ALDH1A3: variants seen among roughly 807,000 people sequenced by gnomAD.
ALDH1A3 encodes aldehyde dehydrogenase 1 family member A3, also known as retinaldehyde dehydrogenase 3.
Under a neutral mutation model 57.5 loss-of-function variants are expected in ALDH1A3, and 28 were observed. The ratio of observed to expected loss-of-function variants is 0.49; its 90% confidence interval spans 0.36 to 0.67. The LOEUF (loss-of-function observed/expected upper bound fraction) is 0.67, where lower values mean the gene tolerates loss of function less well. ALDH1A3 is among the 30% of genes least tolerant of loss of function. The pLI, the probability that ALDH1A3 is intolerant of heterozygous loss-of-function variation, is 0.00. For synonymous variants in ALDH1A3, 281 were observed against 264.8 expected (o/e 1.06, Z -0.59); for missense variants, 507 against 669.4 (o/e 0.76, Z 2.68).
In ALDH1A3 at chr15:100,888,812, C is replaced by T. The variant is rs530958346; in HGVS notation, c.345+1100C>T. On this transcript the variant is annotated intron_variant, in intron 3 of 12. Transcript: ENST00000329841. ...ATCTATTTAAGATTCTAGGCAGAGTCCCTGGCAGGCAGTAAGCACTAAATA... is the reference window on the plus strand; with the variant it reads ...ATCTATTTAAGATTCTAGGCAGAGTTCCTGGCAGGCAGTAAGCACTAAATA... The T allele has an allele frequency of 2.0e-5, 3 of 152,290 alleles. No individual in the cohort carries two copies. In the South Asian group the frequency reaches 6.2e-4, roughly 32 times the overall value. The allele number at this position is 152,290 out of a possible 1,614,324, so 9.4% of individuals were successfully genotyped here. A position where few individuals can be genotyped will look rare whatever the true frequency, so the allele number is the denominator to read the frequency against.
At chr15:100,905,723 G>C in intron 10 of ALDH1A3, 36 bp downstream of exon 10, 1 of 1,499,478 alleles carries the variant, frequency 6.7e-7, no homozygotes, top group Non-Finnish European at 8.9e-7. Flanking sequence ...CGACTTGCGG[G>C]GCCTTTCAAA....
rs2041827937 is a variant in ALDH1A3 at position 100,906,905 on chromosome 15, T to A, written c.1234-216T>A. On this transcript the variant is annotated intron_variant, in intron 10 of 12. Coordinates refer to ENST00000329841, the MANE Select transcript of ALDH1A3 (RefSeq NM_000693.4). This position sits in a 1 kb window ranked among gnomAD's most constrained non-coding sequence, Gnocchi z 4.8. Reference sequence around the variant, plus strand: ...CACAACATATATTTTTTGTTATTATTTTTTATTTTTGTTTCATGTTAATCC... The same window carrying A: ...CACAACATATATTTTTTGTTATTATATTTTATTTTTGTTTCATGTTAATCC... Among the ~76,000 whole-genome samples the A allele has an allele frequency of 6.6e-6, 1 of 152,214 alleles. No homozygotes were observed. The highest frequency in any genetic ancestry group is 1.5e-5 in the Non-Finnish European group (1 of 68,042).
Position 100,906,819 on chromosome 15 carries a change from T to G in ALDH1A3, c.1234-302T>G, listed in dbSNP as rs1172615881. ...GTTTTGTGTTCTGTGCATCTATGGGTTACTCCAAGGCTCTCTGGCTGGGTT... is the reference window on the plus strand; with the variant it reads ...GTTTTGTGTTCTGTGCATCTATGGGGTACTCCAAGGCTCTCTGGCTGGGTT... On this transcript the variant is annotated intron_variant, in intron 10 of 12. Coordinates refer to ENST00000329841, the MANE Select transcript of ALDH1A3 (RefSeq NM_000693.4). This position sits in a 1 kb window ranked among gnomAD's most constrained non-coding sequence, Gnocchi z 4.8. 6.6e-6 allele frequency among the ~76,000 whole-genome samples: 1 copy of G among 152,196 alleles called. No homozygotes were observed. The highest frequency in any genetic ancestry group is 1.5e-5 in the Non-Finnish European group (1 of 68,036).
rs2041823856 is a variant in ALDH1A3 at position 100,906,517 on chromosome 15, C to CTAATTATA, written c.1234-604_1234-603insTAATTATA. 6.6e-6 allele frequency among the ~76,000 whole-genome samples: 1 copy of CTAATTATA among 152,162 alleles called. No individual in the cohort carries two copies. Among genetic ancestry groups the CTAATTATA allele is most frequent in the African/African-American group, 2.4e-5 (1 of 41,430 alleles). On this transcript the variant is annotated intron_variant, in intron 10 of 12. Transcript: ENST00000329841. The surrounding 1 kb of genome is among the most constrained non-coding windows in gnomAD (Gnocchi z 4.8). ...GAAGGTATTTTGGCAGGCCAGGCAC[C>CTAATTATA]ATCCTGCCGGCTTATAATTATGTCT...
At position 100,905,566 on chromosome 15, in the gene ALDH1A3, G is replaced by C. The variant is rs1330483619; in HGVS notation, c.1112G>C (p.Ser371Thr). The change falls in exon 10 of 13, where the codon AGT becomes ACT. Residue 371 changes from serine to threonine, a missense_variant. This residue lies in a region of ALDH1A3 where 432 missense variants were observed against 608.4 expected (regional missense o/e 0.71). Coordinates refer to ENST00000329841, the MANE Select transcript of ALDH1A3 (RefSeq NM_000693.4). ...QFDKILELIESGKKEGAKLEC... is the reference protein window; with the variant it reads ...QFDKILELIETGKKEGAKLEC... ...GACAAAATCTTAGAGCTGATCGAGA[G>C]TGGGAAGAAGGAAGGGGCCAAGCTG... The C allele has an allele frequency of 6.2e-7, 1 of 1,614,206 alleles. No homozygotes were observed. Among genetic ancestry groups the C allele is most frequent in the African/African-American group, 1.3e-5 (1 of 75,048 alleles).
chr15:100,891,820 T>C (rs2141554031), intron 3 of ALDH1A3, among the ~76,000 whole-genome samples: 1 of 152,252 alleles, frequency 6.6e-6, no homozygotes, highest in Middle Eastern at 3.4e-3. Context: ...CGGCTGGAAA[T>C]AGAAAAGAAT....
chr15:100,910,585 G>A (rs980233373), intron 12 of ALDH1A3, among the ~76,000 whole-genome samples: 1 of 152,238 alleles, frequency 6.6e-6, no homozygotes, highest in African/African-American at 2.4e-5. Flanking sequence ...CAGGAAGCTG[G>A]TAAGTGACAG....
At position 100,895,864 on chromosome 15, in the gene ALDH1A3, C is replaced by T. The variant is rs112981257; in HGVS notation, c.667-69C>T. 3,791 of 1,365,230 alleles carry T rather than the reference C, an allele frequency of 2.8e-3. 7 individuals are homozygous for T. Among genetic ancestry groups the T allele is most frequent in the Non-Finnish European group, 3.4e-3 (3,368 of 976,534 alleles). 84.6% of individuals were successfully genotyped at this position (1,365,230 alleles called of 1,614,324 possible). A position where few individuals can be genotyped will look rare whatever the true frequency, so the allele number is the denominator to read the frequency against. On this transcript the variant is annotated intron_variant, in intron 6 of 12. Transcript: ENST00000329841. The stretch of plus-strand genomic sequence containing the variant: ...GGATGTGAGGCAGCCACGGCTCTCT[C>T]GGCCCAAATGTGGATCCGTGGTGGA...
chr15:100,896,976 C>T (rs1477084853), intron 7 of ALDH1A3, among the ~76,000 whole-genome samples: 3 of 152,154 alleles, frequency 2.0e-5, no homozygotes, highest in African/African-American at 7.2e-5. Context: ...GGGGCAGAGC[C>T]GGAGGGAAGC....
intron 11 of ALDH1A3, among the ~76,000 whole-genome samples, chr15:100,908,106 C>T (rs2041843687): frequency 6.6e-6 from 1 of 152,112 alleles, no homozygotes. Flanking sequence ...ATCTCAGCCT[C>T]CCGAAGTGCT....
rs183477413 is a variant in ALDH1A3, at chr15:100,906,220, C to A, written c.1233+533C>A. ...ATGAGGGAAATTAAGGAGACTCCCC[C>A]ACTCCCATAAGAGTGTAAATCTTTC... On this transcript the variant is annotated intron_variant, in intron 10 of 12. Coordinates refer to ENST00000329841, the MANE Select transcript of ALDH1A3 (RefSeq NM_000693.4). This position sits in a 1 kb window ranked among gnomAD's most constrained non-coding sequence, Gnocchi z 4.8. Among the ~76,000 whole-genome samples the A allele has an allele frequency of 2.8e-4, 42 of 152,320 alleles. 1 individual carries two copies. Among genetic ancestry groups the A allele is most frequent in the African/African-American group, 9.6e-4 (40 of 41,576 alleles).
chr15:100,880,239 G>A (rs2041533096), intron 1 of ALDH1A3: 2 of 391,786 alleles, frequency 5.1e-6, no homozygotes, highest in African/African-American at 4.1e-5. Flanking sequence ...GGAAACCGAG[G>A]CCGTCCAGCG....
At chr15:100,905,966 A>C (rs976502874) in intron 10 of ALDH1A3, among the ~76,000 whole-genome samples, 1 of 152,142 alleles carries the variant, frequency 6.6e-6, no homozygotes, top group African/African-American at 2.4e-5. Flanking sequence ...CTCTGGGAGC[A>C]GCAAGCCCTC....
chr15:100,916,532 G>A lies in ALDH1A3; in HGVS notation c.*1759G>A, dbSNP rs952605021. 1.2e-4 allele frequency: 19 copies of A among 152,328 alleles called. No homozygotes were observed. Among genetic ancestry groups the A allele is most frequent in the African/African-American group, 4.1e-4 (17 of 41,448 alleles). 9.4% of individuals were successfully genotyped at this position (152,328 alleles called of 1,614,324 possible). A position where few individuals can be genotyped will look rare whatever the true frequency, so the allele number is the denominator to read the frequency against. On this transcript the variant is annotated 3_prime_UTR_variant, in exon 13 of 13. Transcript: ENST00000329841. ...CTTTTAAGGTTTACCCCTGTGGTGT[G>A]GTTTAAAAATCTATAGGCCTGGGAA...
Position 100,893,276 on chromosome 15 carries a change from G to T in ALDH1A3, c.537+270G>T, listed in dbSNP as rs951806804. On this transcript the variant is annotated intron_variant, in intron 5 of 12. Coordinates refer to ENST00000329841, the MANE Select transcript of ALDH1A3 (RefSeq NM_000693.4). This position sits in a 1 kb window ranked among gnomAD's most constrained non-coding sequence, Gnocchi z 4.8. Reference sequence around the variant, plus strand: ...AATGGCCAGCATTCCCAGGAAGGTGGTCTCTTAGCTGGGCCTTAAAGATAA... The same window carrying T: ...AATGGCCAGCATTCCCAGGAAGGTGTTCTCTTAGCTGGGCCTTAAAGATAA... 1.3e-5 allele frequency: 5 copies of T among 380,464 alleles called. No homozygotes were observed. Among genetic ancestry groups the T allele is most frequent in the African/African-American group, 1.0e-4 (5 of 48,784 alleles). 23.6% of individuals were successfully genotyped at this position (380,464 alleles called of 1,614,324 possible). A position where few individuals can be genotyped will look rare whatever the true frequency, so the allele number is the denominator to read the frequency against.
At chr15:100,886,100 A>C (rs1163348960) in intron 2 of ALDH1A3, among the ~76,000 whole-genome samples, 3 of 152,224 alleles carry the variant, frequency 2.0e-5, no homozygotes, top group Non-Finnish European at 4.4e-5. Context: ...CAGCAAACTG[A>C]TGACGTTGGA....
rs139297912 is a variant in ALDH1A3, at chr15:100,887,530, G to T, written c.205-42G>T. On this transcript the variant is annotated intron_variant, in intron 2 of 12. Coordinates refer to ENST00000329841, the MANE Select transcript of ALDH1A3 (RefSeq NM_000693.4). The surrounding 1 kb of genome is among the most constrained non-coding windows in gnomAD (Gnocchi z 4.6). ...AAGATGACACCCAAACTGCAGTCAC[G>T]TCAAAAGATGACAGTCTCTCTCTGT... is the stretch of plus-strand genomic sequence containing the variant. The T allele has an allele frequency of 1.3e-6, 2 of 1,494,462 alleles. No individual in the cohort carries two copies. Among genetic ancestry groups the T allele is most frequent in the Non-Finnish European group, 1.8e-6 (2 of 1,114,764 alleles). The allele number at this position is 1,494,462 out of a possible 1,614,324, so 92.6% of individuals were successfully genotyped here.
chr15:100,911,078 GC>G (rs887593669), intron 12 of ALDH1A3, among the ~76,000 whole-genome samples: 2 of 152,188 alleles, frequency 1.3e-5, no homozygotes, highest in African/African-American at 4.8e-5. Context: ...TGTTTTTTAG[GC>G]CCTTGGCCTA....
In ALDH1A3 at chr15:100,915,025, C is replaced by T. The variant is rs1171372764; in HGVS notation, c.*252C>T. 2 of 504,384 alleles carry T rather than the reference C, an allele frequency of 4.0e-6. No individual in the cohort carries two copies. The highest frequency in any genetic ancestry group is 1.9e-5 in the African/African-American group (1 of 52,052). The allele number at this position is 504,384 out of a possible 1,614,324, so 31.2% of individuals were successfully genotyped here. On this transcript the variant is annotated 3_prime_UTR_variant, in exon 13 of 13. Coordinates refer to ENST00000329841, the MANE Select transcript of ALDH1A3 (RefSeq NM_000693.4). The stretch of plus-strand genomic sequence containing the variant: ...AGCTGTTGGCCATTTCTGTGTTTCC[C>T]TTTAAACCAGATCCTGGAGACAGTG...
Sources: allele counts gnomAD v4.1 joint callset (sites outside exome capture counted in the v4.1 genomes callset), GRCh38; gene constraint gnomAD v4.1.1; regional missense constraint gnomAD v4.1.1; non-coding constraint Gnocchi (gnomAD v3.1); transcripts MANE v1.5; gene names NCBI Gene and HGNC (gene_info 2026-07-23, HGNC 2026-07-21).